Variants in ADCY5 observed in about 807,000 individuals in gnomAD.
The protein encoded by ADCY5 is adenylate cyclase type 5.
Under a neutral mutation model 119.7 loss-of-function variants are expected in ADCY5, and 30 were observed. The ratio of observed to expected loss-of-function variants is 0.25; its 90% CI spans 0.19 to 0.34. The LOEUF is 0.34. Among genes scored for constraint, ADCY5 ranks in the 10% least tolerant of loss-of-function variants. The pLI is 1.00. For synonymous variants in ADCY5, 753 were observed against 762.2 expected, an observed-to-expected ratio of 0.99 and a Z score of 0.20; for missense variants, 1,324 against 1,775.2, an observed-to-expected ratio of 0.75 and a Z score of 4.57.
chr3:123,372,380 C>A (rs1014650701), intron 1 of ADCY5, among the ~76,000 whole-genome samples: 1 of 152,256 alleles, frequency 6.6e-6, no homozygotes, highest in Admixed American at 6.5e-5. Context: ...TCACAATGCC[C>A]AACTGGGCAG....
intron 3 of ADCY5, among the ~76,000 whole-genome samples, 165 bp downstream of exon 3, chr3:123,347,617 T>C (rs573187745): frequency 1.7e-4 from 26 of 152,088 alleles, no homozygotes; most frequent in South Asian, 4.2e-4. Context: ...GATAATTCAC[T>C]CATTTAACAC....
At chr3:123,391,675 C>T (rs547262663) in intron 1 of ADCY5, among the ~76,000 whole-genome samples, 2 of 152,330 alleles carry the variant, frequency 1.3e-5, no homozygotes, top group South Asian at 2.1e-4. Context: ...ATGGGCTTAG[C>T]TTTTCCAGGG....
chr3:123,416,189 G>C, intron 1 of ADCY5: 1 of 1,536,106 alleles, frequency 6.5e-7, no homozygotes, highest in Non-Finnish European at 8.7e-7. Context: ...CTCACCCTCC[G>C]TGGGGCCCAT....
chr3:123,443,828 G>T, intron 1 of ADCY5, among the ~76,000 whole-genome samples: 1 of 152,124 alleles, frequency 6.6e-6, no homozygotes, highest in East Asian at 1.9e-4. Context: ...GATTGAATGT[G>T]GATGCATAAT....
At chr3:123,428,484 C>A (rs1366279083) in intron 1 of ADCY5, among the ~76,000 whole-genome samples, 1 of 152,200 alleles carries the variant, frequency 6.6e-6, no homozygotes, top group Non-Finnish European at 1.5e-5. Context: ...CTTGCGTCCT[C>A]CAAAGCCTCC....
intron 1 of ADCY5, among the ~76,000 whole-genome samples, chr3:123,426,507 G>C (rs1255487154): frequency 1.3e-5 from 2 of 151,758 alleles, no homozygotes; most frequent in Non-Finnish European, 2.9e-5. Context: ...TTAATTTTTA[G>C]TAGAGACACG....
rs1177034208 is a variant in ADCY5 at position 123,325,544 on chromosome 3, C to T, written c.1948-82G>A. On this transcript the variant is annotated intron_variant, in intron 7 of 20. Coordinates refer to ENST00000462833, the MANE Select transcript of ADCY5 (RefSeq NM_183357.3). ...ACCCTTCCCCAAACATCGTACCTGG[C>T]CAGGTAAGGGGCTAAGGCAGCTGCC... The T allele has an allele frequency of 3.2e-6, 5 of 1,568,570 alleles. No individual in the cohort carries two copies. The Admixed American group carries it at 6.7e-5, about 21-fold the overall frequency.
In ADCY5 at chr3:123,416,107, T is replaced by G. The variant is rs9875087; in HGVS notation, c.1134+31305A>C. On this transcript the variant is annotated intron_variant, in intron 1 of 20. Transcript: ENST00000462833. ...GCCCCAGGTGAGGTGTCCAAGAAGGTGGAAGGGCAAAGGAGAAGGAGAATC... is the reference window on the plus strand; with the variant it reads ...GCCCCAGGTGAGGTGTCCAAGAAGGGGGAAGGGCAAAGGAGAAGGAGAATC... 71,833 of 1,499,906 alleles carry G rather than the reference T, an allele frequency of 0.048. 10,474 individuals carry two copies. Among genetic ancestry groups the G allele is most frequent in the East Asian group, 0.4 (16,198 of 40,458 alleles). 92.9% of individuals were successfully genotyped at this position (1,499,906 alleles called of 1,614,324 possible).
chr3:123,304,620 G>C (rs1015430438), intron 12 of ADCY5, among the ~76,000 whole-genome samples: 3 of 152,094 alleles, frequency 2.0e-5, no homozygotes, highest in African/African-American at 7.2e-5. Context: ...GTGAGTTTAA[G>C]GATTTGGAGA....
chr3:123,446,362 T>G (rs1945813982), intron 1 of ADCY5, among the ~76,000 whole-genome samples: 1 of 152,164 alleles, frequency 6.6e-6, no homozygotes, highest in Non-Finnish European at 1.5e-5. Context: ...CAGACACCAG[T>G]GGGCAGATGT....
chr3:123,444,419 G>C (rs924304793), intron 1 of ADCY5, among the ~76,000 whole-genome samples: 33 of 151,992 alleles, frequency 2.2e-4, no homozygotes, highest in African/African-American at 8.0e-4. Context: ...AGAGGGAAGA[G>C]AAAGGAAGTC....
intron 3 of ADCY5, among the ~76,000 whole-genome samples, chr3:123,337,181 C>T (rs772009122): frequency 3.9e-5 from 6 of 152,206 alleles, no homozygotes; most frequent in Admixed American, 6.5e-5. Flanking sequence ...TATTATTATG[C>T]TCCGGTCTGT....
chr3:123,295,377 G>A (rs925077070), intron 17 of ADCY5, among the ~76,000 whole-genome samples: 1 of 152,242 alleles, frequency 6.6e-6, no homozygotes, highest in Non-Finnish European at 1.5e-5. Context: ...CCCACAGGAA[G>A]ACAGGGCTTT....
intron 1 of ADCY5, among the ~76,000 whole-genome samples, chr3:123,396,723 G>A (rs1165792839): frequency 4.2e-5 from 4 of 94,866 alleles, no homozygotes; most frequent in Non-Finnish European, 8.3e-5. Flanking sequence ...AGAGAGAAGG[G>A]AGGGAGGAAG....
At chr3:123,396,341 A>T (rs1944562976) in intron 1 of ADCY5, among the ~76,000 whole-genome samples, 2 of 145,512 alleles carry the variant, frequency 1.4e-5, no homozygotes, top group Non-Finnish European at 1.5e-5. Context: ...AAGAAAAGAG[A>T]AGAAAAAGAG....
chr3:123,364,020 T>C (rs1212824686), intron 1 of ADCY5, among the ~76,000 whole-genome samples: 1 of 152,194 alleles, frequency 6.6e-6, no homozygotes, highest in East Asian at 1.9e-4. Context: ...CAAAATACAA[T>C]GTCAAGTGGG....
intron 1 of ADCY5, among the ~76,000 whole-genome samples, chr3:123,412,051 T>C (rs1160790853): frequency 6.6e-6 from 1 of 152,212 alleles, no homozygotes; most frequent in African/African-American, 2.4e-5. Flanking sequence ...TCAGGATGCC[T>C]GCCCTCTCCT....
At chr3:123,437,033 G>A (rs1252871113) in intron 1 of ADCY5, among the ~76,000 whole-genome samples, 1 of 152,166 alleles carries the variant, frequency 6.6e-6, no homozygotes, top group Admixed American at 6.5e-5. Flanking sequence ...TTTCTGGGAG[G>A]TGACCCCGGG....
At chr3:123,319,223 G>A (rs1294484840) in intron 10 of ADCY5, among the ~76,000 whole-genome samples, 5 of 151,716 alleles carry the variant, frequency 3.3e-5, no homozygotes, top group South Asian at 2.1e-4. Flanking sequence ...GAGTGGTGGC[G>A]GGCGCCTATA....
Sources: allele counts gnomAD v4.1 joint callset (sites outside exome capture counted in the v4.1 genomes callset), GRCh38; gene constraint gnomAD v4.1.1; transcripts MANE v1.5; gene names NCBI Gene and HGNC (gene_info 2026-07-23, HGNC 2026-07-21).